Variants in HCN1 observed in about 807,000 individuals in gnomAD.
The protein encoded by HCN1 is potassium/sodium hyperpolarization-activated cyclic nucleotide-gated channel 1.
Under a neutral mutation model 78.9 loss-of-function variants are expected in HCN1, and 13 were observed. The ratio of observed to expected loss-of-function variants is 0.16; its 90% CI spans 0.11 to 0.26. HCN1 has a LOEUF of 0.26. HCN1 is among the 10% of genes least tolerant of loss of function. HCN1 has a pLI of 1.00. For missense variants in HCN1, 810 were observed against 1,154.3 expected (o/e 0.70, Z 4.32); for synonymous variants, 552 against 455.5 (o/e 1.21, Z -2.70).
chr5:45,510,696 T>C (rs1038380905), intron 2 of HCN1, among the ~76,000 whole-genome samples: 1 of 152,106 alleles, frequency 6.6e-6, no homozygotes, highest in African/African-American at 2.4e-5. Context: ...GATTCTACCA[T>C]GTTGTCAAAC....
intron 2 of HCN1, among the ~76,000 whole-genome samples, chr5:45,473,240 G>A (rs180978050): frequency 5.9e-5 from 9 of 151,636 alleles, no homozygotes; most frequent in African/African-American, 1.7e-4. Context: ...TATATATCTC[G>A]AGAGAACCTT....
At chr5:45,312,161 G>C (rs954997175) in intron 5 of HCN1, among the ~76,000 whole-genome samples, 2 of 152,152 alleles carry the variant, frequency 1.3e-5, no homozygotes, top group Admixed American at 6.5e-5. Context: ...GCACACACTT[G>C]GGTGAAGATT....
intron 6 of HCN1, among the ~76,000 whole-genome samples, chr5:45,285,180 C>T (rs1006098588): frequency 6.6e-6 from 1 of 151,968 alleles, no homozygotes; most frequent in African/African-American, 2.4e-5. Flanking sequence ...TCCATCTCAA[C>T]TTTTCTTTGA....
At chr5:45,450,695 G>T (rs938342091) in intron 3 of HCN1, among the ~76,000 whole-genome samples, 6 of 152,254 alleles carry the variant, frequency 3.9e-5, no homozygotes, top group East Asian at 1.9e-4. Context: ...TGTAATAGTA[G>T]TTGGTAGAAT....
At chr5:45,449,244 C>G (rs1197126528) in intron 3 of HCN1, among the ~76,000 whole-genome samples, 1 of 152,152 alleles carries the variant, frequency 6.6e-6, no homozygotes, top group African/African-American at 2.4e-5. Context: ...TGTCCAAGGT[C>G]ACATAGCTAG....
chr5:45,648,550 A>G (rs1325535479), intron 1 of HCN1, among the ~76,000 whole-genome samples: 1 of 152,162 alleles, frequency 6.6e-6, no homozygotes, highest in Non-Finnish European at 1.5e-5. Context: ...AGGTAACAAA[A>G]AAATACAATC....
chr5:45,681,624 T>C (rs749452867), intron 1 of HCN1, among the ~76,000 whole-genome samples: 27 of 152,076 alleles, frequency 1.8e-4, no homozygotes, highest in Non-Finnish European at 3.1e-4. Context: ...ATTGACTCAA[T>C]ATTTTATTAA....
chr5:45,430,821 CA>C (rs912895304), intron 3 of HCN1, among the ~76,000 whole-genome samples: 4 of 151,054 alleles, frequency 2.6e-5, no homozygotes, highest in African/African-American at 7.3e-5. Flanking sequence ...GACTCTGCCT[CA>C]AAAAAAAGAA....
intron 2 of HCN1, among the ~76,000 whole-genome samples, chr5:45,488,778 T>C (rs1040771706): frequency 5.9e-5 from 9 of 152,170 alleles, no homozygotes; most frequent in Non-Finnish European, 8.8e-5. Context: ...GCCACTGCTG[T>C]TCCTCCAGCC....
At chr5:45,330,943 T>TTA (rs1312127142) in intron 5 of HCN1, among the ~76,000 whole-genome samples, 1 of 151,304 alleles carries the variant, frequency 6.6e-6, no homozygotes, top group Non-Finnish European at 1.5e-5. Flanking sequence ...TTTAAAAATG[T>TTA]TATTTTATAT....
In HCN1 at chr5:45,258,933, C is replaced by A. The variant is rs972144335; in HGVS notation, c.*2988G>T. ...TTATTACAGGAAAATTATTTCTCAT[C>A]TGTATATCCAATAATTACACAAAAT... On this transcript the variant is annotated 3_prime_UTR_variant, in exon 8 of 8. Transcript: ENST00000303230. The A allele has an allele frequency of 3.3e-5, 5 of 151,896 alleles. No individual in the cohort carries two copies. Among genetic ancestry groups the A allele is most frequent in the Admixed American group, 3.3e-4 (5 of 15,230 alleles). 9.4% of individuals were successfully genotyped at this position (151,896 alleles called of 1,614,324 possible).
intron 2 of HCN1, among the ~76,000 whole-genome samples, chr5:45,572,748 G>T (rs534705471): frequency 2.0e-5 from 3 of 152,126 alleles, no homozygotes; most frequent in Non-Finnish European, 4.4e-5. Context: ...TTGTGAGCAC[G>T]TACTGGCACC....
intron 2 of HCN1, among the ~76,000 whole-genome samples, chr5:45,568,166 TAA>T (rs1028465512): frequency 3.3e-4 from 50 of 152,202 alleles, no homozygotes; most frequent in Admixed American, 5.9e-4. Flanking sequence ...AAAATAATAT[TAA>T]GAGTATTTTC....
At chr5:45,286,494 G>A (rs1745272613) in intron 6 of HCN1, among the ~76,000 whole-genome samples, 1 of 151,914 alleles carries the variant, frequency 6.6e-6, no homozygotes, top group Non-Finnish European at 1.5e-5. Flanking sequence ...GTCCACCACT[G>A]CATTGTAAAA....
chr5:45,525,305 T>G (rs146469667), intron 2 of HCN1, among the ~76,000 whole-genome samples: 2 of 152,056 alleles, frequency 1.3e-5, no homozygotes, highest in East Asian at 1.9e-4. Flanking sequence ...TTTTCCTAAC[T>G]TAAAAAGCAA....
intron 2 of HCN1, among the ~76,000 whole-genome samples, chr5:45,481,656 T>G (rs1172949424): frequency 1.3e-5 from 2 of 152,154 alleles, no homozygotes; most frequent in Non-Finnish European, 2.9e-5. Flanking sequence ...CTAGAGTGAA[T>G]AGTGAGATGA....
rs1370269217 is a variant in HCN1 at position 45,615,553 on chromosome 5, A to G, written c.849+29632T>C. Among the ~76,000 whole-genome samples the G allele has an allele frequency of 9.9e-5, 15 of 152,126 alleles. No homozygotes were observed. The East Asian group carries it at 2.9e-3, about 29-fold the overall frequency. On this transcript the variant is annotated intron_variant, in intron 2 of 7. Coordinates refer to ENST00000303230, the MANE Select transcript of HCN1 (RefSeq NM_021072.4). ...AAAACAGTTGATTGAAAGCATTCTC[A>G]GTGGATCATTCTAGCCTCTTCTCAC...
At chr5:45,657,475 G>C (rs1745796392) in intron 1 of HCN1, among the ~76,000 whole-genome samples, 1 of 152,120 alleles carries the variant, frequency 6.6e-6, no homozygotes, top group African/African-American at 2.4e-5. Flanking sequence ...GGCAGATGTT[G>C]CACTTGCTTT....
chr5:45,282,226 T>C (rs1357747496), intron 6 of HCN1, among the ~76,000 whole-genome samples: 1 of 152,184 alleles, frequency 6.6e-6, no homozygotes, highest in Admixed American at 6.5e-5. Flanking sequence ...ATTGACAATA[T>C]TGTTTCATTT....
Sources: gnomAD v4.1 joint callset for allele counts (sites outside exome capture counted in the v4.1 genomes callset) on GRCh38, gnomAD v4.1.1 for gene constraint, MANE v1.5 for transcripts, NCBI Gene and HGNC (gene_info 2026-07-23, HGNC 2026-07-21) for gene names.